Variants in GNA14 observed in about 807,000 individuals in gnomAD.
GNA14 encodes G protein subunit alpha 14, also known as guanine nucleotide-binding protein subunit alpha-14.
In GNA14, 50 loss-of-function variants were observed where a neutral mutation model predicts 42.0. The ratio of observed to expected loss-of-function variants is 1.19; its 90% CI spans 0.95 to 1.51. The LOEUF is 1.51. Ranked by LOEUF, GNA14 falls within the 40% of genes most tolerant of loss-of-function variation. The probability of loss-of-function intolerance (pLI) is 0.00; values close to 1 mark genes in which losing one functional copy is unlikely to be tolerated. For missense variants in GNA14, 473 were observed against 446.2 expected (o/e 1.06, Z -0.54); for synonymous variants, 173 against 163.1 (o/e 1.06, Z -0.46).
chr9:77,637,758 G>A (rs1824205528), intron 1 of GNA14, among the ~76,000 whole-genome samples: 1 of 152,180 alleles, frequency 6.6e-6, no homozygotes, highest in Non-Finnish European at 1.5e-5. Context: ...GCAGGCTGAG[G>A]TGGAAGGATT....
At chr9:77,536,931 T>G (rs1045365601) in intron 1 of GNA14, among the ~76,000 whole-genome samples, 1 of 152,212 alleles carries the variant, frequency 6.6e-6, no homozygotes, top group African/African-American at 2.4e-5. Context: ...TGTGCATTTT[T>G]TTTTACATCT....
At chr9:77,606,109 T>C (rs902965322) in intron 1 of GNA14, among the ~76,000 whole-genome samples, 1 of 152,160 alleles carries the variant, frequency 6.6e-6, no homozygotes, top group African/African-American at 2.4e-5. Flanking sequence ...AACAGAAACA[T>C]TTTAAGTGCT....
intron 1 of GNA14, among the ~76,000 whole-genome samples, chr9:77,631,587 G>A (rs1266409906): frequency 6.6e-6 from 1 of 151,596 alleles, no homozygotes; most frequent in Non-Finnish European, 1.5e-5. Flanking sequence ...AGTGGCTCTA[G>A]AACATTGGCC....
chr9:77,613,745 G>C (rs1412855471), intron 1 of GNA14, among the ~76,000 whole-genome samples: 1 of 152,176 alleles, frequency 6.6e-6, no homozygotes, highest in Non-Finnish European at 1.5e-5. Context: ...TTATTCATGA[G>C]CTAATCTTGT....
chr9:77,476,787 G>C (rs945471478), intron 2 of GNA14, among the ~76,000 whole-genome samples: 8 of 152,320 alleles, frequency 5.3e-5, no homozygotes, highest in African/African-American at 1.9e-4. Flanking sequence ...AGGAGAGAAA[G>C]CTGAAACCTT....
At chr9:77,601,182 GT>G (rs1443319540) in intron 1 of GNA14, among the ~76,000 whole-genome samples, 3 of 152,070 alleles carry the variant, frequency 2.0e-5, no homozygotes, top group African/African-American at 7.2e-5. Context: ...TTTTGTTGTT[GT>G]TTTTGTTTTT....
chr9:77,578,349 T>C (rs926448129), intron 1 of GNA14, among the ~76,000 whole-genome samples: 1 of 152,200 alleles, frequency 6.6e-6, no homozygotes. Flanking sequence ...GGGCCTGCCC[T>C]GCATCAGTGG....
intron 2 of GNA14, among the ~76,000 whole-genome samples, chr9:77,489,254 G>C (rs1198719711): frequency 6.6e-6 from 1 of 151,944 alleles, no homozygotes; most frequent in Non-Finnish European, 1.5e-5. Flanking sequence ...ATAATGAAAA[G>C]AAATAAAGGT....
chr9:77,645,879 T>G (rs560686681), intron 1 of GNA14, among the ~76,000 whole-genome samples: 3 of 152,228 alleles, frequency 2.0e-5, no homozygotes, highest in Non-Finnish European at 4.4e-5. Flanking sequence ...AGCCTGCCCT[T>G]ATAAAGAAAA....
At chr9:77,462,321 G>C (rs1301535251) in intron 2 of GNA14, among the ~76,000 whole-genome samples, 2 of 152,296 alleles carry the variant, frequency 1.3e-5, no homozygotes, top group Admixed American at 1.3e-4. Context: ...ACCAGTGAGG[G>C]GGGAATCCTG....
At chr9:77,607,488 T>C (rs1823659519) in intron 1 of GNA14, among the ~76,000 whole-genome samples, 1 of 152,154 alleles carries the variant, frequency 6.6e-6, no homozygotes, top group East Asian at 1.9e-4. Context: ...ATTATATGTG[T>C]CCTCTGCAGA....
chr9:77,449,129 C>A (rs538323899), intron 2 of GNA14, among the ~76,000 whole-genome samples: 3 of 152,272 alleles, frequency 2.0e-5, no homozygotes, highest in Admixed American at 6.5e-5. Flanking sequence ...GTTACAACTG[C>A]CTACAGTGTT....
At chr9:77,484,502 G>A (rs757633331) in intron 2 of GNA14, among the ~76,000 whole-genome samples, 1 of 151,598 alleles carries the variant, frequency 6.6e-6, no homozygotes, top group Non-Finnish European at 1.5e-5. Context: ...GTGGGTGGGT[G>A]TGGGTGCTGT....
At chr9:77,555,672 GGA>G (rs934604490) in intron 1 of GNA14, among the ~76,000 whole-genome samples, 32 of 152,164 alleles carry the variant, frequency 2.1e-4, no homozygotes, top group African/African-American at 6.0e-4. Flanking sequence ...CTAAAGAGTT[GGA>G]GAAAAAAGTG....
At chr9:77,523,590 C>G (rs1837393585) in intron 2 of GNA14, among the ~76,000 whole-genome samples, 1 of 152,170 alleles carries the variant, frequency 6.6e-6, no homozygotes, top group Non-Finnish European at 1.5e-5. Flanking sequence ...ACCATATCAA[C>G]TATTAAATCT....
chr9:77,558,560 G>A (rs1238483053), intron 1 of GNA14, among the ~76,000 whole-genome samples: 2 of 152,024 alleles, frequency 1.3e-5, no homozygotes, highest in East Asian at 1.9e-4. Flanking sequence ...GGAGATTTAC[G>A]GGGCTCCCAG....
intron 2 of GNA14, among the ~76,000 whole-genome samples, chr9:77,487,233 C>T (rs1836677596): frequency 1.3e-5 from 2 of 152,136 alleles, no homozygotes; most frequent in African/African-American, 4.8e-5. Context: ...TCATGCTACT[C>T]AGAATGGTGT....
At chr9:77,626,599 A>T (rs1824016321) in intron 1 of GNA14, among the ~76,000 whole-genome samples, 1 of 152,126 alleles carries the variant, frequency 6.6e-6, no homozygotes, top group Non-Finnish European at 1.5e-5. Context: ...CAAAATCATA[A>T]AACTGCAAGG....
chr9:77,586,960 T>C (rs934505861), intron 1 of GNA14, among the ~76,000 whole-genome samples: 1 of 146,830 alleles, frequency 6.8e-6, no homozygotes, highest in African/African-American at 2.6e-5. Flanking sequence ...TGTCTGCAGC[T>C]CGATTTTACA....
Sources: allele counts gnomAD v4.1 joint callset (sites outside exome capture counted in the v4.1 genomes callset), GRCh38; gene constraint gnomAD v4.1.1; transcripts MANE v1.5; gene names NCBI Gene and HGNC (gene_info 2026-07-23, HGNC 2026-07-21).